Variants in HSPBAP1 observed in about 807,000 individuals in gnomAD.
HSPBAP1 encodes the protein HSPB1 associated protein 1.
HSPBAP1 carries 27 observed loss-of-function variants against 45.2 expected under a neutral mutation model. The ratio of observed to expected loss-of-function variants is 0.60; its 90% CI spans 0.44 to 0.82. The LOEUF is 0.82. Ranked by LOEUF, HSPBAP1 falls within the 40% of genes least tolerant of loss-of-function variation. The probability of loss-of-function intolerance (pLI) is 0.00; values close to 1 mark genes in which losing one functional copy is unlikely to be tolerated. For missense variants in HSPBAP1, 510 were observed against 590.9 expected (o/e 0.86, Z 1.42); for synonymous variants, 204 against 202.7 (o/e 1.01, Z -0.06).
intron 2 of HSPBAP1, among the ~76,000 whole-genome samples, chr3:122,777,193 G>A (rs1224396946): frequency 6.6e-6 from 1 of 152,166 alleles, no homozygotes; most frequent in Non-Finnish European, 1.5e-5. Flanking sequence ...AAAAGAGCGA[G>A]CTTTACATAT....
chr3:122,750,349 C>A (rs34397657), intron 6 of HSPBAP1, among the ~76,000 whole-genome samples: 13,317 of 152,216 alleles, frequency 0.087, 685 homozygotes, highest in East Asian at 0.13. Flanking sequence ...ATAAAAAATT[C>A]TATCATGTTA....
At chr3:122,767,580 CA>C (rs979914325) in intron 3 of HSPBAP1, among the ~76,000 whole-genome samples, 1 of 150,876 alleles carries the variant, frequency 6.6e-6, no homozygotes, top group Non-Finnish European at 1.5e-5. Flanking sequence ...ACAACAACAA[CA>C]AAAAAAACAA....
intron 1 of HSPBAP1, among the ~76,000 whole-genome samples, chr3:122,782,795 C>A (rs765007675): frequency 2.0e-5 from 3 of 152,154 alleles, no homozygotes; most frequent in Admixed American, 6.5e-5. Context: ...ACCTTCTTCT[C>A]TACGATAAAA....
chr3:122,776,672 A>T (rs571949876), intron 2 of HSPBAP1, among the ~76,000 whole-genome samples: 2 of 152,188 alleles, frequency 1.3e-5, no homozygotes, highest in African/African-American at 4.8e-5. Flanking sequence ...GCACAATTTG[A>T]TTTTTATGTT....
chr3:122,740,990 A>G lies in HSPBAP1; in HGVS notation c.936+13T>C. ...GAAACTAACTGCCATGATGAAGACC[A>G]GAAGCCGCCTACCTCAGTGGGGTTT... On this transcript the variant is annotated intron_variant, in intron 7 of 7. Transcript: ENST00000306103. The G allele has an allele frequency of 6.2e-7, 1 of 1,611,992 alleles. No homozygotes were observed. Among genetic ancestry groups the G allele is most frequent in the Non-Finnish European group, 8.5e-7 (1 of 1,177,968 alleles).
chr3:122,766,748 T>A (rs1183387914), intron 3 of HSPBAP1, among the ~76,000 whole-genome samples: 1 of 152,272 alleles, frequency 6.6e-6, no homozygotes, highest in East Asian at 1.9e-4. Context: ...GTTAAAGCTC[T>A]GAAGGCAGAC....
At chr3:122,771,722 A>T in intron 2 of HSPBAP1, among the ~76,000 whole-genome samples, 1 of 152,188 alleles carries the variant, frequency 6.6e-6, no homozygotes, top group Non-Finnish European at 1.5e-5. Context: ...TTGGGAAACA[A>T]ATCTGATCCA....
chr3:122,749,772 C>G (rs1162143972), intron 6 of HSPBAP1, among the ~76,000 whole-genome samples: 1 of 151,974 alleles, frequency 6.6e-6, no homozygotes, highest in Admixed American at 6.6e-5. Flanking sequence ...CCATGCCCGG[C>G]TAATTTTTTG....
intron 1 of HSPBAP1, among the ~76,000 whole-genome samples, chr3:122,787,895 T>C (rs1027910758): frequency 1.3e-5 from 2 of 152,174 alleles, no homozygotes; most frequent in African/African-American, 4.8e-5. Context: ...TATTTTAAAA[T>C]GTCAACACAA....
At chr3:122,790,828 A>C (rs1935803897) in intron 1 of HSPBAP1, among the ~76,000 whole-genome samples, 2 of 152,226 alleles carry the variant, frequency 1.3e-5, no homozygotes, top group Admixed American at 1.3e-4. Flanking sequence ...CAAAAATAAA[A>C]AATAAACCAA....
chr3:122,781,291 G>T (rs1329957315), intron 1 of HSPBAP1, among the ~76,000 whole-genome samples: 1 of 152,240 alleles, frequency 6.6e-6, no homozygotes, highest in Non-Finnish European at 1.5e-5. Flanking sequence ...ACGAGACTCC[G>T]CCTGCAATCC....
chr3:122,746,288 A>AAC (rs1553751539), intron 6 of HSPBAP1, among the ~76,000 whole-genome samples: 44 of 147,238 alleles, frequency 3.0e-4, no homozygotes, highest in East Asian at 1.6e-3. Context: ...TCAAAAAAAA[A>AAC]ATCAAAAGGT....
intron 2 of HSPBAP1, among the ~76,000 whole-genome samples, chr3:122,769,901 G>A (rs1560143988): frequency 6.6e-6 from 1 of 152,188 alleles, no homozygotes; most frequent in Admixed American, 6.5e-5. Flanking sequence ...GGCTGATCTT[G>A]AACTCCTGCC....
intron 6 of HSPBAP1, among the ~76,000 whole-genome samples, chr3:122,749,917 A>G (rs941215524): frequency 6.6e-6 from 1 of 151,350 alleles, no homozygotes; most frequent in Non-Finnish European, 1.5e-5. Flanking sequence ...GCCAAATTTG[A>G]TATCTTAAAA....
chr3:122,756,453 G>A lies in HSPBAP1; in HGVS notation c.570-1022C>T, dbSNP rs188590455. ...TGTAACCTCAGCACTTTGGGAGGCC[G>A]AGGCAGAAGGAATGCTTGAGGCCAG... On this transcript the variant is annotated intron_variant, in intron 4 of 7. Transcript: ENST00000306103. 5.9e-5 allele frequency among the ~76,000 whole-genome samples: 9 copies of A among 152,250 alleles called. No homozygotes were observed. The East Asian group carries it at 1.5e-3, about 26-fold the overall frequency.
intron 4 of HSPBAP1, among the ~76,000 whole-genome samples, chr3:122,758,342 G>T (rs542742254): frequency 6.6e-6 from 1 of 152,114 alleles, no homozygotes; most frequent in Non-Finnish European, 1.5e-5. Flanking sequence ...CCTATCCCTC[G>T]TATCTTCTAG....
At chr3:122,773,646 C>T (rs1028401254) in intron 2 of HSPBAP1, among the ~76,000 whole-genome samples, 1 of 151,858 alleles carries the variant, frequency 6.6e-6, no homozygotes, top group African/African-American at 2.4e-5. Flanking sequence ...AATGAGATAA[C>T]ATTTTTCACG....
intron 6 of HSPBAP1, among the ~76,000 whole-genome samples, chr3:122,746,787 C>A (rs889294358): frequency 6.6e-6 from 1 of 152,090 alleles, no homozygotes; most frequent in South Asian, 2.1e-4. Context: ...CGAGTGCCTG[C>A]GATTGCAGGC....
Position 122,741,091 on chromosome 3 carries a change from AC to A in HSPBAP1, c.847del (p.Val283Ter). 6.2e-7 allele frequency: 1 copy of A among 1,613,828 alleles called. No homozygotes were observed. Among genetic ancestry groups the A allele is most frequent in the Non-Finnish European group, 8.5e-7 (1 of 1,179,740 alleles). ...IELEEDHLARVEEAITRMLVC... is the reference protein window; with the variant it reads ...IELEEDHLARXEEAITRMLVC... ...AAGCATACGGGTGATTGCCTCTTCT[AC>A]CCGGGCTAGGTGATCCTCTTCCTGA... On this transcript the variant is annotated frameshift_variant, in exon 7 of 8. Coordinates refer to ENST00000306103, the MANE Select transcript of HSPBAP1 (RefSeq NM_024610.6). LOFTEE classifies it high-confidence loss of function.
Sources: gnomAD v4.1 joint callset for allele counts (sites outside exome capture counted in the v4.1 genomes callset) on GRCh38, gnomAD v4.1.1 for gene constraint, MANE v1.5 for transcripts, NCBI Gene and HGNC (gene_info 2026-07-23, HGNC 2026-07-21) for gene names.